Variants in DPYSL4 observed in about 807,000 individuals in gnomAD.
DPYSL4 encodes the protein dihydropyrimidinase-related protein 4.
In DPYSL4, 43 loss-of-function variants were observed where a neutral mutation model predicts 63.4. That is an observed-to-expected ratio of 0.68 (90% CI 0.53 to 0.88). DPYSL4 has a LOEUF of 0.88. DPYSL4 is among the 40% of genes least tolerant of loss of function. DPYSL4 has a pLI of 0.00. For synonymous variants in DPYSL4, 353 were observed against 331.7 expected (o/e 1.06, Z -0.70); for missense variants, 733 against 819.5 (o/e 0.89, Z 1.29).
intron 9 of DPYSL4, 86 bp downstream of exon 9, chr10:132,200,598 C>T (rs758912309): frequency 4.0e-5 from 62 of 1,536,662 alleles, no homozygotes; most frequent in Non-Finnish European, 5.1e-5. Context: ...AGGCCTCTCC[C>T]ACGGCTCCCA....
At chr10:132,190,713 T>G (rs750592185) in intron 1 of DPYSL4, 34 bp from the exon 2 acceptor site, 1 of 1,596,256 alleles carries the variant, frequency 6.3e-7, no homozygotes, top group Non-Finnish European at 8.6e-7. Context: ...GTAACTCAGT[T>G]TGGAGAAAAA....
chr10:132,202,055 C>T lies in DPYSL4; in HGVS notation c.1220C>T (p.Ala407Val), dbSNP rs2062025206. ...RKGRVAVGSD[A>V]DLVIWNPKAT... ...GGGCGAGTGGCTGTGGGCTCTGACG[C>T]TGACCTGGTCATATGGAACCCCAAG... is the stretch of plus-strand genomic sequence containing the variant. Residue 407 changes from alanine (A) to valine (V), a missense_variant, in exon 11 of 14, where the codon GCT becomes GTT. Ala to Val is a moderately conservative substitution (Grantham distance 64). Coordinates refer to ENST00000338492, the MANE Select transcript of DPYSL4 (RefSeq NM_006426.3). 1.9e-6 allele frequency: 3 copies of T among 1,613,076 alleles called. No homozygotes were observed. Among genetic ancestry groups the T allele is most frequent in the Middle Eastern group, 1.6e-4 (1 of 6,076 alleles).
chr10:132,204,869 G>GCA lies in DPYSL4; in HGVS notation c.1661_1662dup (p.Ala555GlnfsTer27). 6.2e-7 allele frequency: 1 copy of GCA among 1,612,506 alleles called. No individual in the cohort carries two copies. The highest frequency in any genetic ancestry group is 8.5e-7 in the Non-Finnish European group (1 of 1,179,184). ...CAGGCTGATGACCACATCGCCCGACGCACAGCACAGAAGATCATGGCACCA... is the reference window on the plus strand; with the variant it reads ...CAGGCTGATGACCACATCGCCCGACGCACACAGCACAGAAGATCATGGCACCA... On this transcript the variant is annotated frameshift_variant, in exon 14 of 14. Transcript: ENST00000338492. LOFTEE classifies it high-confidence loss of function.
intron 1 of DPYSL4, 44 bp downstream of exon 1, chr10:132,187,146 C>T (rs1231943354): frequency 2.1e-6 from 3 of 1,456,802 alleles, no homozygotes; most frequent in Non-Finnish European, 2.8e-6. Flanking sequence ...GCCCGCCGCC[C>T]GGAGTGGGGC....
In DPYSL4 at chr10:132,203,853, C is replaced by T; in HGVS notation, c.1553C>T (p.Ala518Val). 3 of 1,613,046 alleles carry T rather than the reference C, an allele frequency of 1.9e-6. No homozygotes were observed. Among genetic ancestry groups the T allele is most frequent in the Non-Finnish European group, 2.5e-6 (3 of 1,179,824 alleles). ...VPAKPGSGAPARASCPGKISV... is the reference protein window; with the variant it reads ...VPAKPGSGAPVRASCPGKISV... ...GCCAAGCCAGGGAGTGGCGCTCCGGCCCGCGCGTCCTGCCCAGGCAAGATC... is the reference window on the plus strand; with the variant it reads ...GCCAAGCCAGGGAGTGGCGCTCCGGTCCGCGCGTCCTGCCCAGGCAAGATC... The change falls in exon 13 of 14, where the codon GCC becomes GTC. Residue 518 changes from alanine to valine, a missense_variant. By Grantham distance (64) the Ala-to-Val change is moderately conservative. Coordinates refer to ENST00000338492, the MANE Select transcript of DPYSL4 (RefSeq NM_006426.3).
At chr10:132,202,566 C>T (rs956574356) in intron 11 of DPYSL4, 80 bp from the exon 12 acceptor site, 4 of 1,559,106 alleles carry the variant, frequency 2.6e-6, no homozygotes. Flanking sequence ...TGGGCGGCCA[C>T]AGTGCTCCAG....
intron 1 of DPYSL4, among the ~76,000 whole-genome samples, chr10:132,188,910 T>C (rs1003280793): frequency 1.3e-5 from 2 of 152,228 alleles, no homozygotes; most frequent in African/African-American, 4.8e-5. Flanking sequence ...GCCTGTGGCA[T>C]AGTCTGCCAA....
chr10:132,202,701 T>A lies in DPYSL4; in HGVS notation c.1337T>A (p.Val446Asp). The change falls in exon 12 of 14, where the codon GTC becomes GAC. Residue 446 changes from valine to aspartate, a missense_variant. Transcript: ENST00000338492. ...GVECRGAPAV[V>D]ISQGRVALED... is the part of the protein sequence containing the mutation. ...GAGTGCCGGGGAGCGCCTGCCGTGGTCATAAGTCAGGGCCGAGTGGCGCTG... is the reference window on the plus strand; with the variant it reads ...GAGTGCCGGGGAGCGCCTGCCGTGGACATAAGTCAGGGCCGAGTGGCGCTG... The A allele has an allele frequency of 1.2e-6, 2 of 1,613,212 alleles. No individual in the cohort carries two copies. The highest frequency in any genetic ancestry group is 1.7e-6 in the Non-Finnish European group (2 of 1,179,922).
rs1401027156 is a variant in DPYSL4 at position 132,205,124 on chromosome 10, G to A, written c.*194G>A. 1 of 448,642 alleles carries A rather than the reference G, an allele frequency of 2.2e-6. No homozygotes were observed. The highest frequency in any genetic ancestry group is 2.0e-5 in the African/African-American group (1 of 49,632). The allele number at this position is 448,642 out of a possible 1,614,324, so 27.8% of individuals were successfully genotyped here. A position where few individuals can be genotyped will look rare whatever the true frequency, so the allele number is the denominator to read the frequency against. On this transcript the variant is annotated 3_prime_UTR_variant, in exon 14 of 14. Transcript: ENST00000338492. ...GCTGCCAAGAGCCCCTCAAGAGAAG[G>A]GCTGAACCTGGGGAGATGTCACTGC...
intron 9 of DPYSL4, 83 bp from the exon 10 acceptor site, chr10:132,200,759 T>C (rs2062003432): frequency 5.8e-6 from 9 of 1,539,980 alleles, no homozygotes; most frequent in Non-Finnish European, 7.9e-6. Flanking sequence ...CCCCTGCGGC[T>C]GTGCTGGCCA....
intron 1 of DPYSL4, among the ~76,000 whole-genome samples, chr10:132,187,943 C>T (rs2061827285): frequency 6.6e-6 from 1 of 152,166 alleles, no homozygotes; most frequent in South Asian, 2.1e-4. Context: ...CGACTCTGGA[C>T]TTGGCCTCGG....
chr10:132,203,192 G>A (rs1407233616), intron 12 of DPYSL4, among the ~76,000 whole-genome samples: 1 of 152,226 alleles, frequency 6.6e-6, no homozygotes, highest in Non-Finnish European at 1.5e-5. Flanking sequence ...GTCCTTCTGG[G>A]ATTCCCCATG....
At chr10:132,204,053 G>A (rs1048869408) in intron 13 of DPYSL4, 126 bp downstream of exon 13, 2 of 1,250,918 alleles carry the variant, frequency 1.6e-6, no homozygotes, top group African/African-American at 1.5e-5. Context: ...GGGGACTGGG[G>A]CAGGAGATGC....
At position 132,204,940 on chromosome 10, in the gene DPYSL4, A is replaced by AC. The variant is rs758986447; in HGVS notation, c.*12dup. The AC allele has an allele frequency of 1.1e-4, 178 of 1,600,872 alleles. No individual in the cohort carries two copies. The South Asian group carries it at 1.9e-3, about 17-fold the overall frequency. ...CACCTCTCTCTCCTAGACGCCCAGG[A>AC]CCGGCCCTGTGAGCCGTGCTGGCCC... On this transcript the variant is annotated 3_prime_UTR_variant, in exon 14 of 14. Coordinates refer to ENST00000338492, the MANE Select transcript of DPYSL4 (RefSeq NM_006426.3).
intron 11 of DPYSL4, among the ~76,000 whole-genome samples, chr10:132,202,374 G>C (rs1389446140): frequency 1.3e-5 from 2 of 152,254 alleles, no homozygotes; most frequent in Non-Finnish European, 2.9e-5. Context: ...GTGTGCACCT[G>C]CCTAGCCAAG....
At position 132,205,408 on chromosome 10, in the gene DPYSL4, G is replaced by A. The variant is rs141044481; in HGVS notation, c.*478G>A. 1,310 of 153,986 alleles carry A rather than the reference G, an allele frequency of 8.5e-3. 20 individuals carry two copies. The highest frequency in any genetic ancestry group is 0.028 in the African/African-American group (1,167 of 41,618). 9.5% of individuals were successfully genotyped at this position (153,986 alleles called of 1,614,324 possible). A position where few individuals can be genotyped will look rare whatever the true frequency, so the allele number is the denominator to read the frequency against. On this transcript the variant is annotated 3_prime_UTR_variant, in exon 14 of 14. Coordinates refer to ENST00000338492, the MANE Select transcript of DPYSL4 (RefSeq NM_006426.3). ...CGCTCCTCAGAGGCCTGTGCCCATC[G>A]CAGGCCTGGGAGGAAAGTGGGCGCA...
chr10:132,202,587 G>A, intron 11 of DPYSL4, 59 bp from the exon 12 acceptor site: 2 of 1,595,238 alleles, frequency 1.3e-6, no homozygotes, highest in African/African-American at 1.3e-5. Context: ...CGGCTCAACG[G>A]GGATGGGACT....
chr10:132,190,892 C>T lies in DPYSL4; in HGVS notation c.128+57C>T, dbSNP rs370164155. ...CCAGCTCGTGTGTACACGCTGGTCACGTGGTATCCAGGCAGTTGAAAGTAT... is the reference window on the plus strand; with the variant it reads ...CCAGCTCGTGTGTACACGCTGGTCATGTGGTATCCAGGCAGTTGAAAGTAT... On this transcript the variant is annotated intron_variant, in intron 2 of 13. Coordinates refer to ENST00000338492, the MANE Select transcript of DPYSL4 (RefSeq NM_006426.3). The T allele has an allele frequency of 1.0e-3, 1,524 of 1,523,472 alleles. 13 individuals are homozygous for T. The African/African-American group carries it at 0.018, about 18-fold the overall frequency. The allele number at this position is 1,523,472 out of a possible 1,614,324, so 94.4% of individuals were successfully genotyped here.
intron 13 of DPYSL4, among the ~76,000 whole-genome samples, chr10:132,204,163 G>A (rs1262052211): frequency 6.6e-6 from 1 of 152,254 alleles, no homozygotes; most frequent in African/African-American, 2.4e-5. Context: ...TCACCTTCAA[G>A]ACAGTGGCAC....
Sources: allele counts gnomAD v4.1 joint callset (sites outside exome capture counted in the v4.1 genomes callset), GRCh38; gene constraint gnomAD v4.1.1; transcripts MANE v1.5; gene names NCBI Gene and HGNC (gene_info 2026-07-23, HGNC 2026-07-21).